Variants in DENND3 observed in about 807,000 individuals in gnomAD.
The protein encoded by DENND3 is DENN domain-containing protein 3.
A neutral mutation model predicts 135.1 loss-of-function variants in DENND3; 88 were observed. The observed-to-expected ratio is 0.65, with a 90% CI of 0.55 to 0.78. DENND3 has a LOEUF of 0.78. Ranked by LOEUF, DENND3 falls within the 30% of genes least tolerant of loss-of-function variation. The probability of loss-of-function intolerance (pLI) is 0.00; values close to 1 mark genes in which losing one functional copy is unlikely to be tolerated. For synonymous variants in DENND3, 693 were observed against 712.3 expected, an observed-to-expected ratio of 0.97 and a Z score of 0.43; for missense variants, 1,392 against 1,688.4, an observed-to-expected ratio of 0.82 and a Z score of 3.08.
chr8:141,188,830 G>A (rs879615802), intron 18 of DENND3, 156 bp from the exon 19 acceptor site: 21 of 937,334 alleles, frequency 2.2e-5, no homozygotes, highest in South Asian at 1.6e-4. Context: ...GGATGACAAC[G>A]TCAGGGCCAG....
At position 141,134,304 on chromosome 8, in the gene DENND3, A is replaced by T. The variant is rs559134447; in HGVS notation, c.103-2205A>T. Among the ~76,000 whole-genome samples the T allele has an allele frequency of 4.6e-3, 690 of 149,106 alleles. 6 individuals are homozygous for T. The highest frequency in any genetic ancestry group is 0.016 in the African/African-American group (638 of 40,692). On this transcript the variant is annotated intron_variant, in intron 1 of 22. Transcript: ENST00000519811. ...ATTTTTTATTTTTTATTTTTATTTTATTTTTTTTTTGAGACAGTCTCGCTC... is the reference window on the plus strand; with the variant it reads ...ATTTTTTATTTTTTATTTTTATTTTTTTTTTTTTTTGAGACAGTCTCGCTC...
Position 141,138,643 on chromosome 8 carries a change from C to T in DENND3, c.501+506C>T, listed in dbSNP as rs1054243092. Among the ~76,000 whole-genome samples, 2 of 152,162 alleles carry T rather than the reference C, an allele frequency of 1.3e-5. No homozygotes were observed. The highest frequency in any genetic ancestry group is 1.3e-4 in the Admixed American group (2 of 15,268). On this transcript the variant is annotated intron_variant, in intron 3 of 22. Coordinates refer to ENST00000519811, the MANE Select transcript of DENND3 (RefSeq NM_001352890.3). This position sits in a 1 kb window ranked among gnomAD's most constrained non-coding sequence, Gnocchi z 4.8. ...TCAGGTGATCCACCCGCCTCAGCCTCCCAAAGTGCTGGGATTACAGGTGTG... is the reference window on the plus strand; with the variant it reads ...TCAGGTGATCCACCCGCCTCAGCCTTCCAAAGTGCTGGGATTACAGGTGTG...
Position 141,145,822 on chromosome 8 carries a change from TATATATATATATATATATATATATATA to T in DENND3, c.735+1564_735+1590del, listed in dbSNP as rs1239567827. ...TGAATATTATATATATATATATATA[TATATATATATATATATATATATATATA>T]TGTATTTTTTTTTTTTTGAGGCGGA... On this transcript the variant is annotated intron_variant, in intron 5 of 22. Coordinates refer to ENST00000519811, the MANE Select transcript of DENND3 (RefSeq NM_001352890.3). 6.2e-3 allele frequency among the ~76,000 whole-genome samples: 209 copies of T among 33,524 alleles called. 11 individuals carry two copies. The highest frequency in any genetic ancestry group is 0.025 in the African/African-American group (164 of 6,566). The allele number at this position is 33,524 out of a possible 152,430, so 22.0% of individuals were successfully genotyped here.
chr8:141,134,388 G>A (rs971788973), intron 1 of DENND3, among the ~76,000 whole-genome samples: 1 of 151,044 alleles, frequency 6.6e-6, no homozygotes, highest in Non-Finnish European at 1.5e-5. Context: ...TCCGCCTCCC[G>A]GGTTCACGCC....
In DENND3 at chr8:141,151,685, C is replaced by T. The variant is rs755680824; in HGVS notation, c.922C>T (p.Leu308=). The part of the protein sequence containing the change: ...FFSSDWALLT[L]VTECFMAYLY... Reference sequence around the variant, plus strand: ...CTCCTCGGACTGGGCTCTGCTGACGCTGGTCACTGAGTGCTTCATGGCCTA... The same window carrying T: ...CTCCTCGGACTGGGCTCTGCTGACGTTGGTCACTGAGTGCTTCATGGCCTA... Residue 308 remains leucine, a synonymous_variant, in exon 7 of 23, where the codon CTG becomes TTG. Transcript: ENST00000519811. The T allele has an allele frequency of 4.3e-6, 7 of 1,614,176 alleles. No homozygotes were observed. The highest frequency in any genetic ancestry group is 3.3e-5 in the South Asian group (3 of 91,084).
chr8:141,134,647 T>A (rs73362414), intron 1 of DENND3, among the ~76,000 whole-genome samples: 1 of 152,122 alleles, frequency 6.6e-6, no homozygotes, highest in Non-Finnish European at 1.5e-5. Flanking sequence ...TTGACCGAAT[T>A]TGAGTGATGT....
chr8:141,158,001 C>T, intron 8 of DENND3: 1 of 1,121,870 alleles, frequency 8.9e-7, no homozygotes, highest in East Asian at 7.9e-5. Context: ...CTCAGGTGAT[C>T]CACCTGCCTG....
At chr8:141,189,513 C>T (rs1340916205) in intron 19 of DENND3, among the ~76,000 whole-genome samples, 2 of 152,240 alleles carry the variant, frequency 1.3e-5, no homozygotes, top group Non-Finnish European at 2.9e-5. Flanking sequence ...CAGTGTTGGC[C>T]TTGGGCTGCC....
intron 1 of DENND3, among the ~76,000 whole-genome samples, chr8:141,134,421 G>A (rs926521842): frequency 3.3e-5 from 5 of 150,002 alleles, no homozygotes; most frequent in Non-Finnish European, 7.4e-5. Context: ...CAGCCTCTCC[G>A]AGTAGCTGGG....
rs1207213887 is a variant in DENND3 at position 141,144,187 on chromosome 8, G to A, written c.663G>A (p.Val221=). ...ALLKPCKDFE[V]DSHIKDFAAK... ...TGAAGCCCTGTAAAGATTTTGAAGT[G>A]GACAGTCATATAAAAGATTTCGCTG... The change falls in exon 5 of 23, where the codon GTG becomes GTA. Residue 221 remains valine (V), a synonymous_variant. Coordinates refer to ENST00000519811, the MANE Select transcript of DENND3 (RefSeq NM_001352890.3). This position sits in a 1 kb window ranked among gnomAD's most constrained non-coding sequence, Gnocchi z 4.4. 6.2e-7 allele frequency: 1 copy of A among 1,613,586 alleles called. No individual in the cohort carries two copies. The highest frequency in any genetic ancestry group is 8.5e-7 in the Non-Finnish European group (1 of 1,179,912).
chr8:141,140,276 G>A (rs956660382), intron 3 of DENND3, among the ~76,000 whole-genome samples: 5 of 152,076 alleles, frequency 3.3e-5, no homozygotes, highest in Admixed American at 2.6e-4. Flanking sequence ...CCGACACTAC[G>A]TGACTTGAGG....
At chr8:141,150,141 TG>T in intron 5 of DENND3, 1 of 342,270 alleles carries the variant, frequency 2.9e-6, no homozygotes, top group Non-Finnish European at 5.6e-6. Flanking sequence ...GGTGCCGAGC[TG>T]GGCACCCAGC....
chr8:141,148,426 C>T (rs145840613), intron 5 of DENND3, among the ~76,000 whole-genome samples: 7 of 152,286 alleles, frequency 4.6e-5, no homozygotes, highest in Non-Finnish European at 5.9e-5. Context: ...TGCCCTCCAG[C>T]GGGACTGATT....
rs146895311 is a variant in DENND3 at position 141,169,117 on chromosome 8, C to T, written c.2275+592C>T. Among the ~76,000 whole-genome samples the T allele has an allele frequency of 1.1e-3, 163 of 152,366 alleles. 5 individuals are homozygous for T. In the East Asian group the frequency reaches 0.029, roughly 27 times the overall value. On this transcript the variant is annotated intron_variant, in intron 13 of 22. Transcript: ENST00000519811. ...AAGGTGATCCACCTGTCTTGGCCCC[C>T]CAAAGTGCTGGGATTACAGGCGTGA...
Position 141,194,146 on chromosome 8 carries a change from G to A in DENND3, c.3750G>A (p.Val1250=). The change falls in exon 23 of 23, where the codon GTG becomes GTA. Residue 1250 remains valine, a synonymous_variant. Transcript: ENST00000519811. ...EKELVAHMDT[V]RTLCSAEDRY... is the part of the protein sequence containing the mutation. The stretch of plus-strand genomic sequence containing the variant: ...AGCTGGTGGCGCACATGGACACCGT[G>A]AGGACGCTGTGCTCGGCTGAGGACA... 1 of 1,613,918 alleles carries A rather than the reference G, an allele frequency of 6.2e-7. No individual in the cohort carries two copies. The highest frequency in any genetic ancestry group is 1.1e-5 in the South Asian group (1 of 90,950).
chr8:141,194,645 A>C lies in DENND3; in HGVS notation c.*412A>C. ...CTTTCCTTACTTCATTCATTCACTC[A>C]CCCAGTCCTTACGAATCACCGAGGA... is the stretch of plus-strand genomic sequence containing the variant. On this transcript the variant is annotated 3_prime_UTR_variant, in exon 23 of 23. Transcript: ENST00000519811. 3 of 205,040 alleles carry C rather than the reference A, an allele frequency of 1.5e-5. No individual in the cohort carries two copies. Among genetic ancestry groups the C allele is most frequent in the South Asian group, 8.5e-5 (1 of 11,802 alleles). The allele number at this position is 205,040 out of a possible 1,614,324, so 12.7% of individuals were successfully genotyped here.
chr8:141,150,782 G>A lies in DENND3; in HGVS notation c.736-52G>A. 3 of 1,522,958 alleles carry A rather than the reference G, an allele frequency of 2.0e-6. No homozygotes were observed. The East Asian group carries it at 7.1e-5, about 36-fold the overall frequency. The allele number at this position is 1,522,958 out of a possible 1,614,324, so 94.3% of individuals were successfully genotyped here. A position where few individuals can be genotyped will look rare whatever the true frequency, so the allele number is the denominator to read the frequency against. ...GAAATAGTGACAGTAGTGCACGTCA[G>A]CCTCTGCCCGGAGCAGCTCTCTGAA... On this transcript the variant is annotated intron_variant, in intron 5 of 22. Coordinates refer to ENST00000519811, the MANE Select transcript of DENND3 (RefSeq NM_001352890.3).
rs78563753 is a variant in DENND3 at position 141,182,033 on chromosome 8, A to G, written c.2944+1179A>G. Among the ~76,000 whole-genome samples the G allele has an allele frequency of 0.015, 2,297 of 152,256 alleles. 63 individuals are homozygous for G. The highest frequency in any genetic ancestry group is 0.051 in the African/African-American group (2,128 of 41,534). On this transcript the variant is annotated intron_variant, in intron 17 of 22. Coordinates refer to ENST00000519811, the MANE Select transcript of DENND3 (RefSeq NM_001352890.3). This position sits in a 1 kb window ranked among gnomAD's most constrained non-coding sequence, Gnocchi z 5.9. ...GATCTCGAACTCCTGGGCTCAAGCG[A>G]TACCTCTCCACCTTGGCCTCCCGAA...
chr8:141,195,156 T>A lies in DENND3; in HGVS notation c.*923T>A, dbSNP rs1193472123. The A allele has an allele frequency of 6.6e-6, 1 of 152,268 alleles. No homozygotes were observed. The highest frequency in any genetic ancestry group is 1.5e-5 in the Non-Finnish European group (1 of 68,068). The allele number at this position is 152,268 out of a possible 1,614,324, so 9.4% of individuals were successfully genotyped here. A position where few individuals can be genotyped will look rare whatever the true frequency, so the allele number is the denominator to read the frequency against. On this transcript the variant is annotated 3_prime_UTR_variant, in exon 23 of 23. Coordinates refer to ENST00000519811, the MANE Select transcript of DENND3 (RefSeq NM_001352890.3). ...GCATGCTATACTGAACTCAACAAGA[T>A]CTTGGCTGTACATAAATATTTGTAA...
Sources: gnomAD v4.1 joint callset for allele counts (sites outside exome capture counted in the v4.1 genomes callset) on GRCh38, gnomAD v4.1.1 for gene constraint, Gnocchi (gnomAD v3.1) non-coding constraint, MANE v1.5 for transcripts, NCBI Gene and HGNC (gene_info 2026-07-23, HGNC 2026-07-21) for gene names.